Variants in XKR6 observed in about 807,000 individuals in gnomAD.
XKR6 encodes XK related 6.
In XKR6, 22 loss-of-function variants were observed where a neutral mutation model predicts 56.7. The observed-to-expected ratio is 0.39, with a 90% CI of 0.28 to 0.55. The LOEUF (loss-of-function observed/expected upper bound fraction) is 0.55, where lower values mean the gene tolerates loss of function less well. Among genes scored for constraint, XKR6 ranks in the 20% least tolerant of loss-of-function variants. XKR6 has a pLI of 0.66. For synonymous variants in XKR6, 524 were observed against 387.8 expected, an observed-to-expected ratio of 1.35 and a Z score of -4.13; for missense variants, 852 against 889.0, an observed-to-expected ratio of 0.96 and a Z score of 0.53.
Position 11,085,134 on chromosome 8 carries a change from G to C in XKR6, c.764+115442C>G, listed in dbSNP as rs555753380. ...CTCTGCAGCACTCCCTGGCCTCCCA[G>C]GCACTACCTCCCCTTCTTGTCACCC... On this transcript the variant is annotated intron_variant, in intron 1 of 2. Transcript: ENST00000416569. 3.9e-5 allele frequency among the ~76,000 whole-genome samples: 6 copies of C among 152,058 alleles called. No individual in the cohort carries two copies. In the South Asian group the frequency reaches 6.3e-4, roughly 16 times the overall value.
chr8:11,013,540 A>G (rs1231247390), intron 1 of XKR6, among the ~76,000 whole-genome samples: 1 of 152,232 alleles, frequency 6.6e-6, no homozygotes, highest in Non-Finnish European at 1.5e-5. Flanking sequence ...TCTTTGTACC[A>G]GCAATTTGTT....
intron 1 of XKR6, among the ~76,000 whole-genome samples, chr8:10,974,225 G>A (rs374189157): frequency 6.6e-6 from 1 of 152,218 alleles, no homozygotes; most frequent in African/African-American, 2.4e-5. Flanking sequence ...AGCTGTAAGC[G>A]AACAGAGCAC....
At chr8:11,086,568 T>A (rs1391987200) in intron 1 of XKR6, among the ~76,000 whole-genome samples, 1 of 152,178 alleles carries the variant, frequency 6.6e-6, no homozygotes, top group Non-Finnish European at 1.5e-5. Context: ...CTGACAAGTG[T>A]AAAATGTCAG....
At chr8:11,157,832 G>C (rs567979399) in intron 1 of XKR6, among the ~76,000 whole-genome samples, 1 of 152,210 alleles carries the variant, frequency 6.6e-6, no homozygotes, top group South Asian at 2.1e-4. Context: ...TTATTTCTTA[G>C]AGTCTCTTTT....
intron 1 of XKR6, chr8:11,195,311 C>T (rs2117148375): frequency 1.6e-6 from 1 of 612,140 alleles, no homozygotes; most frequent in East Asian, 2.8e-5. Flanking sequence ...TTTCTGTTTA[C>T]CTAAGGTAGA....
At chr8:11,117,395 C>T (rs1236081400) in intron 1 of XKR6, among the ~76,000 whole-genome samples, 1 of 152,108 alleles carries the variant, frequency 6.6e-6, no homozygotes, top group African/African-American at 2.4e-5. Context: ...GCAGCTTGCA[C>T]CCTAAACACA....
At chr8:11,145,447 AGATGACAT>A (rs1426199560) in intron 1 of XKR6, among the ~76,000 whole-genome samples, 2 of 152,190 alleles carry the variant, frequency 1.3e-5, no homozygotes, top group East Asian at 3.8e-4. Context: ...ACTTATTTGT[AGATGACAT>A]GATCATCTAC....
At chr8:10,916,455 C>T (rs889858922) in intron 2 of XKR6, among the ~76,000 whole-genome samples, 1 of 152,160 alleles carries the variant, frequency 6.6e-6, no homozygotes, top group South Asian at 2.1e-4. Flanking sequence ...TGGAAAGAGA[C>T]AAGAAAGTAT....
chr8:10,956,137 T>C (rs1801880601), intron 1 of XKR6, among the ~76,000 whole-genome samples: 1 of 152,084 alleles, frequency 6.6e-6, no homozygotes, highest in Admixed American at 6.5e-5. Flanking sequence ...TCACAGGTCC[T>C]CTCCTGGGGG....
At chr8:10,899,046 T>C in intron 2 of XKR6, 130 bp from the exon 3 acceptor site, 1 of 1,392,338 alleles carries the variant, frequency 7.2e-7, no homozygotes, top group Non-Finnish European at 9.6e-7. Context: ...AAACACAGAA[T>C]CAGGAACCGA....
chr8:11,145,995 C>T (rs1298310502), intron 1 of XKR6, among the ~76,000 whole-genome samples: 1 of 151,826 alleles, frequency 6.6e-6, no homozygotes, highest in African/African-American at 2.4e-5. Flanking sequence ...TCGAGATACA[C>T]AAAAAGGACA....
At chr8:10,933,407 T>A (rs1321341995) in intron 1 of XKR6, among the ~76,000 whole-genome samples, 1 of 113,480 alleles carries the variant, frequency 8.8e-6, no homozygotes, top group Admixed American at 7.7e-5. Flanking sequence ...TTTAATTAGA[T>A]CCCATTTGTC....
chr8:11,124,893 G>T (rs548059172), intron 1 of XKR6: 3 of 151,080 alleles, frequency 2.0e-5, no homozygotes, highest in African/African-American at 7.3e-5. Flanking sequence ...GACCATCCTG[G>T]CTAACACGGT....
At chr8:10,984,702 C>CTT (rs1797814414) in intron 1 of XKR6, among the ~76,000 whole-genome samples, 1 of 66,898 alleles carries the variant, frequency 1.5e-5, no homozygotes, top group Non-Finnish European at 3.0e-5. Flanking sequence ...ATGGCTCTCT[C>CTT]TCTCTCTCTC....
chr8:11,007,998 T>C (rs1441927748), intron 1 of XKR6, among the ~76,000 whole-genome samples: 1 of 152,106 alleles, frequency 6.6e-6, no homozygotes, highest in African/African-American at 2.4e-5. Context: ...GGGTGCTCCC[T>C]GGGAGAGAAG....
chr8:11,181,490 G>C (rs79673000), intron 1 of XKR6, among the ~76,000 whole-genome samples: 1 of 152,140 alleles, frequency 6.6e-6, no homozygotes, highest in African/African-American at 2.4e-5. Flanking sequence ...TCAACAATGA[G>C]AACAATTATT....
At chr8:11,137,546 C>G (rs1377952947) in intron 1 of XKR6, 1 of 456,204 alleles carries the variant, frequency 2.2e-6, no homozygotes, top group Non-Finnish European at 4.4e-6. Context: ...ATACCCATCA[C>G]CCCAGTGTTC....
At position 10,898,965 on chromosome 8, in the gene XKR6, G is replaced by A. The variant is rs551904771; in HGVS notation, c.962-49C>T. On this transcript the variant is annotated intron_variant, in intron 2 of 2. Coordinates refer to ENST00000416569, the MANE Select transcript of XKR6 (RefSeq NM_173683.4). This position sits in a 1 kb window ranked among gnomAD's most constrained non-coding sequence, Gnocchi z 6.6. ...ACAGTCAAAACCTTGGACATCAACC[G>A]CAGGGCACAGTGAAGCTGCCGGCTG... The A allele has an allele frequency of 1.6e-5, 25 of 1,535,728 alleles. No individual in the cohort carries two copies. Among genetic ancestry groups the A allele is most frequent in the African/African-American group, 2.7e-5 (2 of 72,760 alleles).
At chr8:10,910,243 G>C (rs945466242) in intron 2 of XKR6, among the ~76,000 whole-genome samples, 2 of 151,988 alleles carry the variant, frequency 1.3e-5, no homozygotes, top group African/African-American at 4.8e-5. Flanking sequence ...ATCGCGCTGA[G>C]GTTGAAACTG....
Sources: gnomAD v4.1 joint callset for allele counts (sites outside exome capture counted in the v4.1 genomes callset) on GRCh38, gnomAD v4.1.1 for gene constraint, Gnocchi (gnomAD v3.1) non-coding constraint, MANE v1.5 for transcripts, NCBI Gene and HGNC (gene_info 2026-07-23, HGNC 2026-07-21) for gene names.